RABGAP1L: variants seen among roughly 807,000 people sequenced by gnomAD.
RABGAP1L encodes rab GTPase-activating protein 1-like.
RABGAP1L carries 63 observed loss-of-function variants against 137.7 expected under a neutral mutation model. The observed-to-expected ratio is 0.46, with a 90% CI of 0.37 to 0.56. The LOEUF (loss-of-function observed/expected upper bound fraction) is 0.56, where lower values mean the gene tolerates loss of function less well. RABGAP1L is among the 20% of genes least tolerant of loss of function. RABGAP1L has a pLI of 0.00. For missense variants in RABGAP1L, 1,095 were observed against 1,244.0 expected (o/e 0.88, Z 1.80); for synonymous variants, 431 against 433.7 (o/e 0.99, Z 0.08).
At chr1:174,200,644 G>A (rs1668029806) in intron 1 of RABGAP1L, among the ~76,000 whole-genome samples, 2 of 152,228 alleles carry the variant, frequency 1.3e-5, no homozygotes, top group South Asian at 4.1e-4. Context: ...ATACTTCTAA[G>A]GTTTAAATTT....
At chr1:174,589,398 A>G (rs1669376728) in intron 13 of RABGAP1L, among the ~76,000 whole-genome samples, 1 of 152,080 alleles carries the variant, frequency 6.6e-6, no homozygotes, top group South Asian at 2.1e-4. Flanking sequence ...CATTTTGTAG[A>G]TTATCTCTTC....
intron 11 of RABGAP1L, among the ~76,000 whole-genome samples, chr1:174,315,824 T>G (rs1679327664): frequency 1.3e-5 from 2 of 152,170 alleles, no homozygotes; most frequent in Non-Finnish European, 2.9e-5. Context: ...CAATACATTT[T>G]CTACCCTATC....
chr1:174,441,836 T>C (rs950874655), intron 13 of RABGAP1L, among the ~76,000 whole-genome samples: 1 of 138,108 alleles, frequency 7.2e-6, no homozygotes, highest in Non-Finnish European at 1.6e-5. Flanking sequence ...CTGCTGAAGC[T>C]TTTTTTTTTT....
intron 13 of RABGAP1L, among the ~76,000 whole-genome samples, chr1:174,480,831 A>C (rs767627389): frequency 2.0e-5 from 3 of 152,212 alleles, no homozygotes; most frequent in Non-Finnish European, 4.4e-5. Context: ...AGAATACTGG[A>C]CCAAATGACC....
chr1:174,715,225 G>A (rs1051768977), intron 17 of RABGAP1L, among the ~76,000 whole-genome samples: 4 of 152,144 alleles, frequency 2.6e-5, no homozygotes, highest in Admixed American at 2.6e-4. Flanking sequence ...TATTGGGAAA[G>A]CATCTTCTAA....
intron 14 of RABGAP1L, among the ~76,000 whole-genome samples, chr1:174,651,037 T>G (rs1193951477): frequency 6.6e-6 from 1 of 151,638 alleles, no homozygotes; most frequent in Admixed American, 6.6e-5. Context: ...ATGTTGTGTC[T>G]TTGTTCTCGT....
intron 11 of RABGAP1L, among the ~76,000 whole-genome samples, chr1:174,351,488 T>C (rs1480842009): frequency 6.6e-6 from 1 of 152,188 alleles, no homozygotes; most frequent in African/African-American, 2.4e-5. Flanking sequence ...TAAAATGTCA[T>C]GGCACTCTCT....
At chr1:174,572,075 C>T (rs1016177265) in intron 13 of RABGAP1L, among the ~76,000 whole-genome samples, 9 of 152,150 alleles carry the variant, frequency 5.9e-5, no homozygotes, top group South Asian at 4.1e-4. Flanking sequence ...CAAAAACATT[C>T]CCTGCTAAAT....
intron 17 of RABGAP1L, among the ~76,000 whole-genome samples, chr1:174,710,501 G>A (rs1442457510): frequency 1.3e-5 from 2 of 152,194 alleles, no homozygotes; most frequent in Admixed American, 1.3e-4. Context: ...CTGCAAGCTA[G>A]AAGAGAGTGG....
intron 20 of RABGAP1L, among the ~76,000 whole-genome samples, chr1:174,962,962 G>T (rs962110758): frequency 2.0e-5 from 3 of 152,084 alleles, no homozygotes; most frequent in African/African-American, 4.8e-5. Flanking sequence ...GCTGGGTGTG[G>T]TGGCACATAA....
intron 13 of RABGAP1L, among the ~76,000 whole-genome samples, chr1:174,407,142 AG>A (rs1373411474): frequency 3.9e-5 from 6 of 152,122 alleles, no homozygotes; most frequent in African/African-American, 1.2e-4. Flanking sequence ...AGGTGAAAAA[AG>A]GGATAGGCAG....
At chr1:174,873,127 G>A (rs183565773) in intron 19 of RABGAP1L, among the ~76,000 whole-genome samples, 11 of 152,184 alleles carry the variant, frequency 7.2e-5, no homozygotes, top group Admixed American at 2.6e-4. Context: ...GGAGTGCAGT[G>A]GTGCAATCTC....
At chr1:174,534,471 TAATAA>T (rs761191451) in intron 13 of RABGAP1L, among the ~76,000 whole-genome samples, 55 of 151,858 alleles carry the variant, frequency 3.6e-4, no homozygotes, top group Admixed American at 7.2e-4. Context: ...CAATAACTAA[TAATAA>T]AATAGAATAA....
At chr1:174,271,355 T>C (rs1674543472) in intron 7 of RABGAP1L, among the ~76,000 whole-genome samples, 1 of 152,106 alleles carries the variant, frequency 6.6e-6, no homozygotes, top group South Asian at 2.1e-4. Context: ...AGAGTAAACC[T>C]TTGAAAAACA....
At chr1:174,435,921 T>C (rs1183439279) in intron 13 of RABGAP1L, among the ~76,000 whole-genome samples, 2 of 151,990 alleles carry the variant, frequency 1.3e-5, no homozygotes, top group Non-Finnish European at 2.9e-5. Context: ...TTTTTTGTCC[T>C]TGCTACAGTT....
At position 174,990,266 on chromosome 1, in the gene RABGAP1L, GT is replaced by G; in HGVS notation, c.*268del. ...TTACACATTATTTTGTTTGCCTGATGTTTAGTTGGAAATAAGTAATTCAGAA... is the reference window on the plus strand; with the variant it reads ...TTACACATTATTTTGTTTGCCTGATGTTAGTTGGAAATAAGTAATTCAGAA... On this transcript the variant is annotated 3_prime_UTR_variant, in exon 26 of 26. Coordinates refer to ENST00000681986, the MANE Select transcript of RABGAP1L (RefSeq NM_001366446.1). The G allele has an allele frequency of 3.2e-6, 1 of 317,434 alleles. No homozygotes were observed. The highest frequency in any genetic ancestry group is 5.2e-5 in the East Asian group (1 of 19,168). The allele number at this position is 317,434 out of a possible 1,614,324, so 19.7% of individuals were successfully genotyped here. A position where few individuals can be genotyped will look rare whatever the true frequency, so the allele number is the denominator to read the frequency against.
At chr1:174,338,315 A>G (rs143583499) in intron 11 of RABGAP1L, among the ~76,000 whole-genome samples, 121 of 152,324 alleles carry the variant, frequency 7.9e-4, no homozygotes, top group Admixed American at 2.4e-3. Flanking sequence ...TAAAAATACA[A>G]CAACAGTTTC....
At chr1:174,440,400 T>C (rs933124964) in intron 13 of RABGAP1L, among the ~76,000 whole-genome samples, 1 of 152,062 alleles carries the variant, frequency 6.6e-6, no homozygotes, top group African/African-American at 2.4e-5. Context: ...CCACTACAGG[T>C]GTCTAAGCAC....
chr1:174,836,850 G>C (rs1216275195), intron 19 of RABGAP1L, among the ~76,000 whole-genome samples: 1 of 152,198 alleles, frequency 6.6e-6, no homozygotes, highest in Non-Finnish European at 1.5e-5. Flanking sequence ...TAAGTGCTTT[G>C]TAACTCCTTG....
Sources: allele counts gnomAD v4.1 joint callset (sites outside exome capture counted in the v4.1 genomes callset), GRCh38; gene constraint gnomAD v4.1.1; transcripts MANE v1.5; gene names NCBI Gene and HGNC (gene_info 2026-07-23, HGNC 2026-07-21).